Variants in CTNNA3 observed in about 807,000 individuals in gnomAD.
CTNNA3 encodes the protein catenin alpha 3.
CTNNA3 carries 76 observed loss-of-function variants against 95.7 expected under a neutral mutation model. The ratio of observed to expected loss-of-function variants is 0.79; its 90% CI spans 0.66 to 0.96. CTNNA3 has a LOEUF of 0.96. Among genes scored for constraint, CTNNA3 ranks in the 40% least tolerant of loss-of-function variants. The pLI, the probability that CTNNA3 is intolerant of heterozygous loss-of-function variation, is 0.00. For missense variants in CTNNA3, 1,191 were observed against 1,089.8 expected (o/e 1.09, Z -1.31); for synonymous variants, 431 against 374.4 (o/e 1.15, Z -1.74).
intron 13 of CTNNA3, among the ~76,000 whole-genome samples, chr10:66,211,739 G>A (rs551718036): frequency 6.6e-6 from 1 of 152,302 alleles, no homozygotes; most frequent in East Asian, 1.9e-4. Context: ...CTGGTAGTAA[G>A]AGGTGGAGTT....
At chr10:67,182,440 G>A (rs1323585709) in intron 6 of CTNNA3, among the ~76,000 whole-genome samples, 6 of 152,200 alleles carry the variant, frequency 3.9e-5, no homozygotes, top group Non-Finnish European at 7.4e-5. Flanking sequence ...AATGGGGAAA[G>A]GATTCCCTAT....
At position 67,044,655 on chromosome 10, in the gene CTNNA3, C is replaced by A. The variant is rs563389417; in HGVS notation, c.1047+135662G>T. 1.5e-3 allele frequency among the ~76,000 whole-genome samples: 230 copies of A among 152,206 alleles called. 1 individual carries two copies. The highest frequency in any genetic ancestry group is 3.9e-3 in the South Asian group (19 of 4,822). Reference sequence around the variant, plus strand: ...TTATATTAAGTTTGTGAAATGAATACAAAAGCTAAGATAACTTTTGTTTTT... The same window carrying A: ...TTATATTAAGTTTGTGAAATGAATAAAAAAGCTAAGATAACTTTTGTTTTT... On this transcript the variant is annotated intron_variant, in intron 7 of 17. Transcript: ENST00000433211.
chr10:67,317,847 G>C (rs1458704167), intron 5 of CTNNA3, among the ~76,000 whole-genome samples: 9 of 152,186 alleles, frequency 5.9e-5, no homozygotes, highest in Admixed American at 5.9e-4. Context: ...AGTTGCCAAT[G>C]AGAGAAGTTA....
chr10:66,514,789 A>C (rs1405166455), intron 11 of CTNNA3, among the ~76,000 whole-genome samples: 1 of 152,164 alleles, frequency 6.6e-6, no homozygotes, highest in Non-Finnish European at 1.5e-5. Flanking sequence ...TAATTGTTGA[A>C]TAGTTCTTAT....
At chr10:66,256,915 C>T (rs2090808318) in intron 13 of CTNNA3, among the ~76,000 whole-genome samples, 1 of 152,124 alleles carries the variant, frequency 6.6e-6, no homozygotes, top group African/African-American at 2.4e-5. Flanking sequence ...CTCCAGGTTA[C>T]AAGCCAACCC....
intron 5 of CTNNA3, among the ~76,000 whole-genome samples, chr10:67,426,823 G>A (rs999681052): frequency 6.6e-6 from 1 of 151,384 alleles, no homozygotes; most frequent in Admixed American, 6.6e-5. Context: ...AAAAAAGAAA[G>A]TTGTTAAGTA....
At chr10:66,423,911 G>A (rs2132642151) in intron 11 of CTNNA3, among the ~76,000 whole-genome samples, 1 of 152,236 alleles carries the variant, frequency 6.6e-6, no homozygotes, top group African/African-American at 2.4e-5. Context: ...TCCATGTCTG[G>A]TGTCTTTGGC....
chr10:67,689,456 G>T (rs1840799265), intron 1 of CTNNA3, among the ~76,000 whole-genome samples: 1 of 152,156 alleles, frequency 6.6e-6, no homozygotes, highest in African/African-American at 2.4e-5. Flanking sequence ...GGAGAAACTA[G>T]AAAAGCACCA....
chr10:66,960,893 G>A (rs1238949251), intron 7 of CTNNA3, among the ~76,000 whole-genome samples: 2 of 152,132 alleles, frequency 1.3e-5, no homozygotes, highest in East Asian at 3.9e-4. Flanking sequence ...TCTTGAGAGT[G>A]ACCCTAAAAT....
intron 1 of CTNNA3, among the ~76,000 whole-genome samples, chr10:67,670,278 C>T (rs1051906186): frequency 6.6e-6 from 1 of 152,172 alleles, no homozygotes; most frequent in Non-Finnish European, 1.5e-5. Flanking sequence ...TGATGGATTT[C>T]ACTACTAAGC....
chr10:66,648,748 G>C (rs1345723438), intron 9 of CTNNA3, among the ~76,000 whole-genome samples: 1 of 152,062 alleles, frequency 6.6e-6, no homozygotes, highest in Non-Finnish European at 1.5e-5. Context: ...GGAGAAAAAA[G>C]TACAGGCGTG....
chr10:67,342,368 C>G (rs976544929), intron 5 of CTNNA3, among the ~76,000 whole-genome samples: 1 of 152,072 alleles, frequency 6.6e-6, no homozygotes, highest in Non-Finnish European at 1.5e-5. Flanking sequence ...TCCCAAAGTG[C>G]TGGGATTACA....
rs762108046 is a variant in CTNNA3 at position 66,358,982 on chromosome 10, C to G, written c.1732+20170G>C. On this transcript the variant is annotated intron_variant, in intron 12 of 17. Transcript: ENST00000433211. ...TGCCTTGTTTTATAAAAGAATCCCA[C>G]TATTTAATATATCCTCAACCACAGT... Among the ~76,000 whole-genome samples, 10 of 152,308 alleles carry G rather than the reference C, an allele frequency of 6.6e-5. No individual in the cohort carries two copies. In the East Asian group the frequency reaches 1.9e-3, roughly 29 times the overall value.
At chr10:67,606,829 T>C in intron 3 of CTNNA3, 28 bp downstream of exon 3, 1 of 1,558,134 alleles carries the variant, frequency 6.4e-7, no homozygotes. Flanking sequence ...ATATGCAGTT[T>C]GCTCCTGACC....
At chr10:67,173,534 C>T (rs913409475) in intron 7 of CTNNA3, among the ~76,000 whole-genome samples, 4 of 152,126 alleles carry the variant, frequency 2.6e-5, no homozygotes, top group Non-Finnish European at 4.4e-5. Context: ...CCCAACAAAA[C>T]TTTTTTGTAC....
rs1315586601 is a variant in CTNNA3, at chr10:66,915,672, T to A, written c.1048-140148A>T. On this transcript the variant is annotated intron_variant, in intron 7 of 17. Coordinates refer to ENST00000433211, the MANE Select transcript of CTNNA3 (RefSeq NM_013266.4). ...AATAGGATTATCTGAAATGCCTGAG[T>A]GTTTGGAAAGCTTCGGCATTTGACA... Among the ~76,000 whole-genome samples, 6 of 150,682 alleles carry A rather than the reference T, an allele frequency of 4.0e-5. No homozygotes were observed. In the East Asian group the frequency reaches 9.7e-4, roughly 24 times the overall value.
At chr10:67,647,577 C>T in intron 1 of CTNNA3, 59 bp from the exon 2 acceptor site, 2 of 1,378,162 alleles carry the variant, frequency 1.5e-6, no homozygotes, top group South Asian at 1.2e-5. Context: ...TAAAGAAGAA[C>T]ACTTATGAAA....
In CTNNA3 at chr10:66,995,476, T is replaced by G. The variant is rs78282694; in HGVS notation, c.1047+184841A>C. 4.7e-4 allele frequency among the ~76,000 whole-genome samples: 72 copies of G among 152,290 alleles called. No individual in the cohort carries two copies. The East Asian group carries it at 0.013, about 28-fold the overall frequency. On this transcript the variant is annotated intron_variant, in intron 7 of 17. Transcript: ENST00000433211. ...CTCTTTTAATCCATTCTCCAAACAT[T>G]CACCAAGTGATCTTTTTAAAACACG...
At chr10:67,446,561 C>T (rs1194494876) in intron 5 of CTNNA3, among the ~76,000 whole-genome samples, 1 of 152,060 alleles carries the variant, frequency 6.6e-6, no homozygotes, top group Non-Finnish European at 1.5e-5. Context: ...AATAAGAGAC[C>T]CTCCTCATCT....
Sources: allele counts gnomAD v4.1 joint callset (sites outside exome capture counted in the v4.1 genomes callset), GRCh38; gene constraint gnomAD v4.1.1; transcripts MANE v1.5; gene names NCBI Gene and HGNC (gene_info 2026-07-23, HGNC 2026-07-21).